Variants in CNTN5 observed in about 807,000 individuals in gnomAD.
The protein encoded by CNTN5 is contactin 5.
CNTN5 carries 77 observed loss-of-function variants against 129.1 expected under a neutral mutation model. The ratio of observed to expected loss-of-function variants is 0.60; its 90% CI spans 0.50 to 0.72. CNTN5 has a LOEUF of 0.72. Ranked by LOEUF, CNTN5 falls within the 30% of genes least tolerant of loss-of-function variation. CNTN5 has a pLI of 0.00. For missense variants in CNTN5, 1,478 were observed against 1,328.8 expected (o/e 1.11, Z -1.75); for synonymous variants, 509 against 465.6 (o/e 1.09, Z -1.20).
chr11:100,289,452 A>C (rs1203515104), intron 18 of CNTN5, among the ~76,000 whole-genome samples: 1 of 151,166 alleles, frequency 6.6e-6, no homozygotes, highest in Non-Finnish European at 1.5e-5. Flanking sequence ...AGGCTGGTTC[A>C]ATATACGCAA....
intron 2 of CNTN5, among the ~76,000 whole-genome samples, chr11:99,548,578 G>A (rs1364935128): frequency 6.6e-6 from 1 of 152,136 alleles, no homozygotes; most frequent in Non-Finnish European, 1.5e-5. Context: ...GTTTCAGTTT[G>A]CTTATCTAAG....
intron 13 of CNTN5, among the ~76,000 whole-genome samples, chr11:100,182,666 A>G (rs908747738): frequency 3.3e-5 from 5 of 152,154 alleles, no homozygotes; most frequent in African/African-American, 1.2e-4. Flanking sequence ...TGTATCACAG[A>G]CATAAACATC....
intron 1 of CNTN5, among the ~76,000 whole-genome samples, chr11:99,102,370 A>C (rs1866777386): frequency 6.6e-6 from 1 of 152,138 alleles, no homozygotes; most frequent in South Asian, 2.1e-4. Context: ...AGCCAGCTTG[A>C]ATTTCTCTTA....
In CNTN5 at chr11:100,191,997, T is replaced by G. The variant is rs553080933; in HGVS notation, c.1708+744T>G. Among the ~76,000 whole-genome samples the G allele has an allele frequency of 3.3e-5, 5 of 152,104 alleles. No individual in the cohort carries two copies. In the South Asian group the frequency reaches 6.2e-4, roughly 19 times the overall value. On this transcript the variant is annotated intron_variant, in intron 14 of 24. Transcript: ENST00000524871. ...CTCCGGCCATAAAAATATAAAAATA[T>G]TATTTTTTCTGTCTTTAAAATAAAA...
intron 19 of CNTN5, among the ~76,000 whole-genome samples, chr11:100,298,104 T>A (rs1299312094): frequency 1.3e-5 from 2 of 151,380 alleles, no homozygotes; most frequent in Non-Finnish European, 3.0e-5. Flanking sequence ...GCCACCTTCC[T>A]TTTTTGATGT....
intron 1 of CNTN5, among the ~76,000 whole-genome samples, chr11:99,319,004 A>G (rs549134158): frequency 1.3e-5 from 2 of 152,340 alleles, no homozygotes; most frequent in South Asian, 2.1e-4. Context: ...TTCTGTTTAT[A>G]GAAAAGGTGA....
intron 13 of CNTN5, among the ~76,000 whole-genome samples, chr11:100,125,538 A>G (rs889736061): frequency 6.6e-5 from 10 of 152,070 alleles, no homozygotes; most frequent in Non-Finnish European, 1.3e-4. Context: ...TTATATATGT[A>G]TGACATTTTC....
chr11:99,725,115 T>A (rs1490350934), intron 3 of CNTN5, among the ~76,000 whole-genome samples: 1 of 152,180 alleles, frequency 6.6e-6, no homozygotes, highest in African/African-American at 2.4e-5. Context: ...ATTATCTGTG[T>A]AATTAGATGT....
At chr11:99,068,048 G>T (rs1382422573) in intron 1 of CNTN5, among the ~76,000 whole-genome samples, 2 of 152,124 alleles carry the variant, frequency 1.3e-5, no homozygotes, top group Non-Finnish European at 2.9e-5. Flanking sequence ...TGAAGAAGGT[G>T]CCTTGCTTCC....
intron 3 of CNTN5, among the ~76,000 whole-genome samples, chr11:99,576,227 T>G (rs938415385): frequency 6.6e-6 from 1 of 152,194 alleles, no homozygotes; most frequent in African/African-American, 2.4e-5. Context: ...GCTGGATATA[T>G]TAGTATTCTC....
intron 6 of CNTN5, among the ~76,000 whole-genome samples, chr11:99,872,538 C>A (rs1367157897): frequency 6.6e-6 from 1 of 152,008 alleles, no homozygotes. Flanking sequence ...ATTGAAGATA[C>A]CCTGCAGAAG....
intron 17 of CNTN5, among the ~76,000 whole-genome samples, chr11:100,256,955 A>C (rs1950084408): frequency 6.6e-6 from 1 of 152,030 alleles, no homozygotes; most frequent in Non-Finnish European, 1.5e-5. Context: ...AGACAGAACC[A>C]TTCACTCCCC....
At chr11:99,970,006 A>G (rs2136222653) in intron 8 of CNTN5, among the ~76,000 whole-genome samples, 1 of 152,284 alleles carries the variant, frequency 6.6e-6, no homozygotes, top group Middle Eastern at 3.4e-3. Flanking sequence ...TGTGCTATTA[A>G]TTACATTACC....
At chr11:99,996,601 A>T (rs1237195466) in intron 8 of CNTN5, among the ~76,000 whole-genome samples, 3 of 151,858 alleles carry the variant, frequency 2.0e-5, no homozygotes, top group African/African-American at 7.3e-5. Flanking sequence ...CCAAACCCTC[A>T]TTATTCTTAT....
chr11:100,108,491 T>C (rs72998878), intron 13 of CNTN5, among the ~76,000 whole-genome samples: 16,681 of 152,168 alleles, frequency 0.11, 1,156 homozygotes, highest in Admixed American at 0.16. Context: ...AAATACTTGC[T>C]AAACGAACTA....
intron 2 of CNTN5, among the ~76,000 whole-genome samples, chr11:99,374,683 C>CA (rs1940052068): frequency 6.6e-6 from 1 of 150,906 alleles, no homozygotes; most frequent in Non-Finnish European, 1.5e-5. Context: ...GACTCAGTCT[C>CA]AAAAAATAAA....
intron 21 of CNTN5, among the ~76,000 whole-genome samples, chr11:100,316,169 G>A (rs1951568903): frequency 1.3e-5 from 2 of 152,182 alleles, no homozygotes; most frequent in African/African-American, 4.8e-5. Flanking sequence ...CTGGCAAGAA[G>A]GGAGGGTAAA....
At chr11:100,268,598 G>A (rs1950350505) in intron 17 of CNTN5, among the ~76,000 whole-genome samples, 1 of 152,158 alleles carries the variant, frequency 6.6e-6, no homozygotes, top group Non-Finnish European at 1.5e-5. Flanking sequence ...TAGCTATATG[G>A]AGGTCATTGG....
At chr11:100,000,872 A>G (rs1183124231) in intron 8 of CNTN5, among the ~76,000 whole-genome samples, 1 of 152,186 alleles carries the variant, frequency 6.6e-6, no homozygotes, top group Non-Finnish European at 1.5e-5. Context: ...CTCTGAAGCA[A>G]TGGCCTGAGC....
Sources: gnomAD v4.1 joint callset for allele counts (sites outside exome capture counted in the v4.1 genomes callset) on GRCh38, gnomAD v4.1.1 for gene constraint, MANE v1.5 for transcripts, NCBI Gene and HGNC (gene_info 2026-07-23, HGNC 2026-07-21) for gene names.